The following MYLK4 variants were observed in gnomAD, a reference collection of about 807,000 sequenced individuals.
MYLK4 encodes the protein myosin light chain kinase family member 4.
A neutral mutation model predicts 48.1 loss-of-function variants in MYLK4; 46 were observed. The ratio of observed to expected loss-of-function variants is 0.96; its 90% CI spans 0.75 to 1.22. The LOEUF is 1.22. MYLK4 is among the 50% of genes most tolerant of loss of function. The probability of loss-of-function intolerance (pLI) is 0.00; values close to 1 mark genes in which losing one functional copy is unlikely to be tolerated. For missense variants in MYLK4, 451 were observed against 486.1 expected, an observed-to-expected ratio of 0.93 and a Z score of 0.68; for synonymous variants, 170 against 180.8, an observed-to-expected ratio of 0.94 and a Z score of 0.48.
intron 3 of MYLK4, 139 bp downstream of exon 3, chr6:2,692,642 AGGG>A (rs5873836): frequency 0.032 from 6,759 of 211,278 alleles, 79 homozygotes; most frequent in Middle Eastern, 0.037. Flanking sequence ...AAAAAAAAAA[AGGG>A]GGGGGGGGGC....
intron 2 of MYLK4, among the ~76,000 whole-genome samples, chr6:2,746,745 T>C (rs562534626): frequency 1.3e-5 from 2 of 152,202 alleles, no homozygotes; most frequent in South Asian, 4.1e-4. Flanking sequence ...TCGACAAGCA[T>C]GTTTTTATAG....
intron 2 of MYLK4, among the ~76,000 whole-genome samples, chr6:2,723,190 G>C (rs939471948): frequency 3.9e-5 from 6 of 152,180 alleles, no homozygotes; most frequent in Non-Finnish European, 7.3e-5. Flanking sequence ...CTAATCAGGA[G>C]GCTGAGGTGC....
chr6:2,695,121 G>C (rs150749892), intron 2 of MYLK4, among the ~76,000 whole-genome samples: 1 of 152,298 alleles, frequency 6.6e-6, no homozygotes, highest in African/African-American at 2.4e-5. Flanking sequence ...GTCCAATTTT[G>C]AAAGCATATA....
the MYLK4 span, among the ~76,000 whole-genome samples, chr6:2,764,569 A>AAAC: frequency 1.5e-4 from 1 of 6,666 alleles, no homozygotes; most frequent in Non-Finnish European, 2.3e-3. Flanking sequence ...CAAAAGCAAA[A>AAAC]AATAACATGG....
intron 2 of MYLK4, among the ~76,000 whole-genome samples, chr6:2,698,166 T>G (rs530295220): frequency 6.6e-6 from 1 of 152,214 alleles, no homozygotes; most frequent in African/African-American, 2.4e-5. Flanking sequence ...ACAGGCCAGA[T>G]AGAAGAATGG....
At chr6:2,693,197 G>A (rs1246503763) in intron 2 of MYLK4, among the ~76,000 whole-genome samples, 1 of 152,202 alleles carries the variant, frequency 6.6e-6, no homozygotes, top group Non-Finnish European at 1.5e-5. Flanking sequence ...ATGAAAGCCT[G>A]TATAGACTAC....
intron 3 of MYLK4, among the ~76,000 whole-genome samples, chr6:2,690,344 GC>G (rs757841013): frequency 6.6e-6 from 1 of 152,090 alleles, no homozygotes; most frequent in Non-Finnish European, 1.5e-5. Context: ...GCTTACTGCT[GC>G]CCGGGCACTC....
At chr6:2,668,035 A>G (rs948771885) in intron 12 of MYLK4, 136 bp from the exon 13 acceptor site, 5 of 152,504 alleles carry the variant, frequency 3.3e-5, no homozygotes, top group African/African-American at 1.2e-4. Context: ...GGGGGAAAAA[A>G]AAAAGAAACC....
At chr6:2,726,891 C>G (rs564773207) in intron 2 of MYLK4, among the ~76,000 whole-genome samples, 1 of 152,162 alleles carries the variant, frequency 6.6e-6, no homozygotes, top group Non-Finnish European at 1.5e-5. Context: ...GGATTACAGG[C>G]GTGAGCCACC....
intron 2 of MYLK4, among the ~76,000 whole-genome samples, chr6:2,713,604 T>A (rs1292260043): frequency 6.6e-6 from 1 of 152,136 alleles, no homozygotes; most frequent in East Asian, 1.9e-4. Context: ...AACAACGCTC[T>A]CCCTTTACGT....
chr6:2,698,984 C>T (rs1200477149), intron 2 of MYLK4, among the ~76,000 whole-genome samples: 1 of 152,182 alleles, frequency 6.6e-6, no homozygotes, highest in African/African-American at 2.4e-5. Flanking sequence ...TAAGTGGATC[C>T]TCCCCAGGCT....
intron 2 of MYLK4, among the ~76,000 whole-genome samples, chr6:2,720,418 A>G (rs897164908): frequency 3.0e-5 from 4 of 133,918 alleles, no homozygotes; most frequent in Admixed American, 1.5e-4. Context: ...AAAAAAAAAA[A>G]AGCAGAGACT....
intron 7 of MYLK4, among the ~76,000 whole-genome samples, chr6:2,682,681 A>T (rs963871957): frequency 2.6e-5 from 4 of 152,096 alleles, no homozygotes; most frequent in Middle Eastern, 3.2e-3. Flanking sequence ...GTTAGCTAAA[A>T]TCCTCTCACC....
chr6:2,717,328 G>A (rs1230580196), intron 2 of MYLK4, among the ~76,000 whole-genome samples: 2 of 61,544 alleles, frequency 3.2e-5, no homozygotes, highest in African/African-American at 1.3e-4. Flanking sequence ...AAATGAGCTA[G>A]TATAAAAAAT....
At position 2,667,413 on chromosome 6, in the gene MYLK4, G is replaced by A. The variant is rs901640469; in HGVS notation, c.*512C>T. On this transcript the variant is annotated 3_prime_UTR_variant, in exon 13 of 13. Coordinates refer to ENST00000274643, the MANE Select transcript of MYLK4 (RefSeq NM_001012418.5). ...ACCAAATCAAAATGACAGAGTCTGT[G>A]AAACTAAGTCTCCAAGGGTGCATGG... The A allele has an allele frequency of 3.3e-5, 5 of 152,174 alleles. No homozygotes were observed. Among genetic ancestry groups the A allele is most frequent in the African/African-American group, 1.2e-4 (5 of 41,440 alleles). The allele number at this position is 152,174 out of a possible 1,614,324, so 9.4% of individuals were successfully genotyped here.
At chr6:2,761,420 AGAG>A in the MYLK4 span, among the ~76,000 whole-genome samples, 1 of 152,230 alleles carries the variant, frequency 6.6e-6, no homozygotes, top group Non-Finnish European at 1.5e-5. Flanking sequence ...AAGCAATCTA[AGAG>A]GAGGGGTGAT....
intron 2 of MYLK4, among the ~76,000 whole-genome samples, chr6:2,714,841 G>T (rs1220906137): frequency 2.0e-5 from 3 of 152,222 alleles, no homozygotes; most frequent in Non-Finnish European, 4.4e-5. Context: ...TTTATGCTCA[G>T]TGAAATAAGC....
At chr6:2,763,754 C>G in the MYLK4 span, among the ~76,000 whole-genome samples, 2 of 152,126 alleles carry the variant, frequency 1.3e-5, no homozygotes, top group Non-Finnish European at 2.9e-5. Context: ...CAACCACGGC[C>G]GGAGTGGACG....
the MYLK4 span, chr6:2,766,496 C>G: frequency 6.9e-7 from 1 of 1,448,956 alleles, no homozygotes; most frequent in Non-Finnish European, 9.2e-7. Flanking sequence ...GCGGTGGATG[C>G]AGCTGATGGT....
Sources: allele counts gnomAD v4.1 joint callset (sites outside exome capture counted in the v4.1 genomes callset), GRCh38; gene constraint gnomAD v4.1.1; transcripts MANE v1.5; gene names NCBI Gene and HGNC (gene_info 2026-07-23, HGNC 2026-07-21).